SPTA1: variants seen among roughly 807,000 people sequenced by gnomAD.
SPTA1 encodes spectrin alpha chain, erythrocytic 1.
A neutral mutation model predicts 324.7 loss-of-function variants in SPTA1; 177 were observed. The ratio of observed to expected loss-of-function variants is 0.55; its 90% CI spans 0.48 to 0.62. The LOEUF (loss-of-function observed/expected upper bound fraction) is 0.62. Among genes scored for constraint, SPTA1 ranks in the 20% least tolerant of loss-of-function variants. The pLI is 0.00. For synonymous variants in SPTA1, 1,195 were observed against 1,041.3 expected (o/e 1.15, Z -2.84); for missense variants, 3,162 against 2,883.6 (o/e 1.10, Z -2.21).
intron 3 of SPTA1, among the ~76,000 whole-genome samples, chr1:158,682,189 T>A (rs1443685945): frequency 6.6e-6 from 1 of 152,206 alleles, no homozygotes; most frequent in Non-Finnish European, 1.5e-5. Context: ...TACAGAGGGC[T>A]TTGAATGCCA....
intron 25 of SPTA1, among the ~76,000 whole-genome samples, chr1:158,649,524 C>A (rs1306350901): frequency 6.6e-6 from 1 of 152,160 alleles, no homozygotes; most frequent in Non-Finnish European, 1.5e-5. Flanking sequence ...CGGCCTAAAG[C>A]AATCCTCCTG....
At chr1:158,648,071 G>A (rs1652133929) in intron 26 of SPTA1, among the ~76,000 whole-genome samples, 1 of 152,138 alleles carries the variant, frequency 6.6e-6, no homozygotes, top group Admixed American at 6.5e-5. Flanking sequence ...GAGTATATCT[G>A]ACAAGCTCCA....
chr1:158,640,354 A>G (rs1404208054), intron 33 of SPTA1, among the ~76,000 whole-genome samples: 21 of 152,146 alleles, frequency 1.4e-4, no homozygotes, highest in African/African-American at 4.6e-4. Flanking sequence ...GATGGGAGTG[A>G]TAAGGTCTGG....
chr1:158,636,906 A>G, intron 36 of SPTA1, 145 bp from the exon 37 acceptor site: 9 of 1,422,060 alleles, frequency 6.3e-6, no homozygotes, highest in Admixed American at 1.9e-5. Context: ...ATGACCAAAA[A>G]TATAATTAGT....
chr1:158,670,578 C>T (rs1267576655), intron 12 of SPTA1, among the ~76,000 whole-genome samples: 1 of 152,116 alleles, frequency 6.6e-6, no homozygotes, highest in Non-Finnish European at 1.5e-5. Context: ...TATGTATGTG[C>T]ATGTGGCAAG....
chr1:158,636,047 C>T lies in SPTA1; in HGVS notation c.5311-13G>A. The T allele has an allele frequency of 6.2e-7, 1 of 1,614,084 alleles. No individual in the cohort carries two copies. The highest frequency in any genetic ancestry group is 8.5e-7 in the Non-Finnish European group (1 of 1,179,984). On this transcript the variant is annotated splice_polypyrimidine_tract_variant and intron_variant, in intron 37 of 51. Coordinates refer to ENST00000643759, the MANE Select transcript of SPTA1 (RefSeq NM_003126.4). Reference sequence around the variant, plus strand: ...TATCCAGCACATTCTGAAGAACAACCCCGATACATGTTCCATTACCCCACA... The same window carrying T: ...TATCCAGCACATTCTGAAGAACAACTCCGATACATGTTCCATTACCCCACA...
chr1:158,618,078 A>G (rs749340257), intron 45 of SPTA1, 22 bp from the exon 46 acceptor site: 1 of 1,608,578 alleles, frequency 6.2e-7, no homozygotes, highest in South Asian at 1.1e-5. Context: ...GGTCCGGAAC[A>G]GGAATCACAT....
chr1:158,676,967 A>C (rs2101931491), intron 7 of SPTA1, among the ~76,000 whole-genome samples: 2 of 152,294 alleles, frequency 1.3e-5, no homozygotes, highest in Middle Eastern at 6.8e-3. Flanking sequence ...AACAACAAAA[A>C]GGAAGAATGA....
chr1:158,627,497 G>A, intron 40 of SPTA1, 128 bp downstream of exon 40: 1 of 903,962 alleles, frequency 1.1e-6, no homozygotes, highest in Non-Finnish European at 1.8e-6. Context: ...AGGCAGTTTA[G>A]AAGAGATTGT....
Position 158,677,794 on chromosome 1 carries a change from G to A in SPTA1, c.853C>T (p.Pro285Ser). 3.1e-6 allele frequency: 5 copies of A among 1,613,648 alleles called. No homozygotes were observed. Among genetic ancestry groups the A allele is most frequent in the East Asian group, 2.2e-5 (1 of 44,844 alleles). Residue 285 changes from proline (P) to serine (S), a missense_variant, in exon 7 of 52, where the codon CCT (proline) becomes TCT (serine). Coordinates refer to ENST00000643759, the MANE Select transcript of SPTA1 (RefSeq NM_003126.4). ...CCATAGTCCTCAGAGGTGAGTACAGGTTCCTTCTCCTTGATCCACTGGATG... is the reference window on the plus strand; with the variant it reads ...CCATAGTCCTCAGAGGTGAGTACAGATTCCTTCTCCTTGATCCACTGGATG... ...EAIQWIKEKE[P>S]VLTSEDYGKD... is the part of the protein sequence containing the mutation.
intron 10 of SPTA1, among the ~76,000 whole-genome samples, chr1:158,673,947 A>G (rs930669859): frequency 6.6e-6 from 1 of 152,230 alleles, no homozygotes; most frequent in Non-Finnish European, 1.5e-5. Flanking sequence ...TGTACTGAGC[A>G]TGTACAGACT....
intron 37 of SPTA1, 80 bp from the exon 38 acceptor site, chr1:158,636,114 G>T: frequency 2.8e-5 from 45 of 1,610,848 alleles, no homozygotes; most frequent in Non-Finnish European, 3.8e-5. Flanking sequence ...AAAGTATCTA[G>T]CCCATCCTAC....
chr1:158,642,840 A>T lies in SPTA1; in HGVS notation c.4579T>A (p.Ser1527Thr), dbSNP rs1358645706. Residue 1527 changes from serine (S) to threonine (T), a missense_variant, in exon 32 of 52, where the codon TCC becomes ACC. Physicochemically the swap from Ser to Thr is moderately conservative, Grantham distance 58 (BLOSUM62 1). Transcript: ENST00000643759. ...SEMLPTACDE[S>T]YKDATNIQRK... ...TGAATGTTAGTGGCGTCTTTGTAGG[A>T]TTCATCACAGGCTGTGGGCAGCATC... 1.9e-6 allele frequency: 3 copies of T among 1,613,738 alleles called. No homozygotes were observed. The Admixed American group carries it at 5.0e-5, about 27-fold the overall frequency.
chr1:158,615,401 T>C lies in SPTA1; in HGVS notation c.6603A>G (p.Arg2201=). 1.9e-6 allele frequency: 3 copies of C among 1,614,028 alleles called. No individual in the cohort carries two copies. The highest frequency in any genetic ancestry group is 1.1e-5 in the South Asian group (1 of 91,072). The change falls in exon 48 of 52, where the codon AGA becomes AGG. Residue 2201 remains arginine (R), a splice_region_variant and synonymous_variant. Transcript: ENST00000643759. ...TLESQLEANK[R]KQKEIQAMKR... is the part of the protein sequence containing the mutation. ...TCATCGCCTGGATCTCCTTCTGTTT[T>C]CTCTGGAAAAACGACAGAGAAGAGA...
intron 23 of SPTA1, among the ~76,000 whole-genome samples, chr1:158,651,752 A>C (rs1652453732): frequency 6.6e-6 from 1 of 152,174 alleles, no homozygotes; most frequent in Non-Finnish European, 1.5e-5. Context: ...TTATACCATT[A>C]GAGGGATTGA....
At chr1:158,644,513 C>T in intron 29 of SPTA1, 117 bp from the exon 30 acceptor site, 1 of 1,159,856 alleles carries the variant, frequency 8.6e-7, no homozygotes. Context: ...TTACCATCTT[C>T]CAAGAAACAC....
chr1:158,619,027 T>C (rs1410594058), intron 45 of SPTA1, among the ~76,000 whole-genome samples, 195 bp downstream of exon 45: 5 of 152,148 alleles, frequency 3.3e-5, no homozygotes, highest in Admixed American at 1.3e-4. Flanking sequence ...AAGGATGAAA[T>C]TGTCATTTCT....
intron 33 of SPTA1, 67 bp from the exon 34 acceptor site, chr1:158,640,074 A>ACTTC: frequency 6.2e-7 from 1 of 1,610,722 alleles, no homozygotes; most frequent in East Asian, 2.2e-5. Flanking sequence ...TACTTGAGAG[A>ACTTC]ATAATGTAGG....
chr1:158,665,587 G>A (rs1437413727), intron 16 of SPTA1, among the ~76,000 whole-genome samples: 1 of 152,026 alleles, frequency 6.6e-6, no homozygotes, highest in Non-Finnish European at 1.5e-5. Context: ...AGGAACTTTT[G>A]GAATAAATTC....
Sources: allele counts gnomAD v4.1 joint callset (sites outside exome capture counted in the v4.1 genomes callset), GRCh38; gene constraint gnomAD v4.1.1; transcripts MANE v1.5; gene names NCBI Gene and HGNC (gene_info 2026-07-23, HGNC 2026-07-21).